Variants in HACD2 observed in about 807,000 individuals in gnomAD.
The protein encoded by HACD2 is 3-hydroxyacyl-CoA dehydratase 2.
In HACD2, 15 loss-of-function variants were observed where a neutral mutation model predicts 31.0. That is an observed-to-expected ratio of 0.48 (90% CI 0.32 to 0.75). The LOEUF (loss-of-function observed/expected upper bound fraction) is 0.75, where lower values mean the gene tolerates loss of function less well. Ranked by LOEUF, HACD2 falls within the 30% of genes least tolerant of loss-of-function variation. The pLI is 0.03. For synonymous variants in HACD2, 115 were observed against 122.2 expected (o/e 0.94, Z 0.39); for missense variants, 283 against 313.0 (o/e 0.90, Z 0.72).
intron 3 of HACD2, among the ~76,000 whole-genome samples, chr3:123,564,642 T>C (rs1182161117): frequency 2.0e-5 from 3 of 152,134 alleles, no homozygotes; most frequent in Admixed American, 1.3e-4. Flanking sequence ...CAGGTATCGA[T>C]GGGCATGAGG....
chr3:123,563,910 C>T (rs1576231672), intron 3 of HACD2, among the ~76,000 whole-genome samples: 1 of 152,112 alleles, frequency 6.6e-6, no homozygotes, highest in East Asian at 1.9e-4. Context: ...ATTATTATTG[C>T]TATAAGCCTA....
intron 4 of HACD2, among the ~76,000 whole-genome samples, chr3:123,510,993 A>C (rs1200754775): frequency 1.3e-5 from 2 of 151,326 alleles, no homozygotes; most frequent in South Asian, 4.2e-4. Flanking sequence ...AATGAGTGTA[A>C]AGTGGTATCT....
intron 3 of HACD2, among the ~76,000 whole-genome samples, chr3:123,557,295 T>C (rs142163430): frequency 2.2e-4 from 33 of 152,168 alleles, no homozygotes; most frequent in South Asian, 6.2e-4. Flanking sequence ...AACAATTTCA[T>C]CCCAAAACCA....
chr3:123,572,010 T>A (rs2056860423), intron 2 of HACD2, among the ~76,000 whole-genome samples: 1 of 152,142 alleles, frequency 6.6e-6, no homozygotes, highest in African/African-American at 2.4e-5. Flanking sequence ...ACTGTCTACA[T>A]ATCGTAGGAC....
chr3:123,530,839 C>T lies in HACD2; in HGVS notation c.293-2365G>A, dbSNP rs554466987. On this transcript the variant is annotated intron_variant, in intron 3 of 6. Coordinates refer to ENST00000383657, the MANE Select transcript of HACD2 (RefSeq NM_198402.5). ...AATGCTGAGATTACAGGCGTGAGCC[C>T]CCATGCCCAGCTAAAGTAACTTTTT... Among the ~76,000 whole-genome samples the T allele has an allele frequency of 2.8e-4, 43 of 151,962 alleles. No individual in the cohort carries two copies. The South Asian group carries it at 4.0e-3, about 14-fold the overall frequency.
At chr3:123,540,371 T>C (rs1004066851) in intron 3 of HACD2, among the ~76,000 whole-genome samples, 1 of 152,226 alleles carries the variant, frequency 6.6e-6, no homozygotes, top group African/African-American at 2.4e-5. Flanking sequence ...GAAAGCTTTC[T>C]CGAACATTCA....
intron 3 of HACD2, among the ~76,000 whole-genome samples, chr3:123,529,587 C>T (rs1001183617): frequency 1.4e-4 from 21 of 152,004 alleles, no homozygotes; most frequent in African/African-American, 5.1e-4. Context: ...TATTAGCTCG[C>T]CATGGTAGCG....
At chr3:123,535,151 T>G (rs1396157967) in intron 3 of HACD2, among the ~76,000 whole-genome samples, 2 of 152,182 alleles carry the variant, frequency 1.3e-5, no homozygotes, top group African/African-American at 4.8e-5. Flanking sequence ...CAGAGCAACT[T>G]CCAGTCCTGC....
At chr3:123,571,092 C>T (rs546459161) in intron 2 of HACD2, among the ~76,000 whole-genome samples, 14 of 152,250 alleles carry the variant, frequency 9.2e-5, no homozygotes, top group Admixed American at 7.2e-4. Context: ...TTCACTACTG[C>T]GCTGAAATCC....
intron 2 of HACD2, among the ~76,000 whole-genome samples, chr3:123,572,329 G>A (rs2056863525): frequency 6.6e-6 from 1 of 152,096 alleles, no homozygotes; most frequent in African/African-American, 2.4e-5. Flanking sequence ...AACACAGTGA[G>A]ACCCCCAGCT....
chr3:123,495,424 T>C (rs893313841), intron 6 of HACD2, among the ~76,000 whole-genome samples: 5 of 151,966 alleles, frequency 3.3e-5, no homozygotes, highest in Non-Finnish European at 7.4e-5. Flanking sequence ...ACAGACAGAG[T>C]TGGGACCAGG....
At chr3:123,576,507 TG>T (rs1246474660) in intron 2 of HACD2, among the ~76,000 whole-genome samples, 3 of 151,540 alleles carry the variant, frequency 2.0e-5, no homozygotes, top group Non-Finnish European at 4.4e-5. Flanking sequence ...CATTCCTATT[TG>T]TGTTAGATAT....
intron 4 of HACD2, among the ~76,000 whole-genome samples, chr3:123,519,276 C>G (rs1193850071): frequency 1.3e-5 from 2 of 152,162 alleles, no homozygotes; most frequent in African/African-American, 2.4e-5. Flanking sequence ...GCACATCTTA[C>G]AAATTCCAGA....
At chr3:123,514,329 CAAT>C (rs1389353186) in intron 4 of HACD2, among the ~76,000 whole-genome samples, 5 of 151,938 alleles carry the variant, frequency 3.3e-5, no homozygotes, top group African/African-American at 1.2e-4. Flanking sequence ...AGTAAAATGC[CAAT>C]AATTGGGGAA....
At chr3:123,582,165 C>T in intron 2 of HACD2, 47 bp downstream of exon 2, 1 of 1,280,184 alleles carries the variant, frequency 7.8e-7, no homozygotes, top group Non-Finnish European at 1.1e-6. Context: ...GCATGTTTTT[C>T]TTCATACCAA....
chr3:123,546,001 G>T (rs1327143969), intron 3 of HACD2, among the ~76,000 whole-genome samples: 1 of 152,086 alleles, frequency 6.6e-6, no homozygotes, highest in East Asian at 1.9e-4. Flanking sequence ...ATGAACCACC[G>T]TGCCTGGCTC....
At chr3:123,531,151 G>C (rs1427060935) in intron 3 of HACD2, among the ~76,000 whole-genome samples, 1 of 152,006 alleles carries the variant, frequency 6.6e-6, no homozygotes, top group Non-Finnish European at 1.5e-5. Flanking sequence ...CAGGCGCTAA[G>C]AGTAACTTTA....
At chr3:123,523,215 A>G (rs2056238776) in intron 4 of HACD2, among the ~76,000 whole-genome samples, 1 of 152,192 alleles carries the variant, frequency 6.6e-6, no homozygotes, top group Non-Finnish European at 1.5e-5. Context: ...GCATTAGGAC[A>G]TTATGTATCT....
chr3:123,526,369 A>G (rs1312216854), intron 4 of HACD2, among the ~76,000 whole-genome samples: 1 of 152,260 alleles, frequency 6.6e-6, no homozygotes, highest in Non-Finnish European at 1.5e-5. Flanking sequence ...ATCCTAGGAC[A>G]GCAGAAACGC....
Sources: gnomAD v4.1 joint callset for allele counts (sites outside exome capture counted in the v4.1 genomes callset) on GRCh38, gnomAD v4.1.1 for gene constraint, MANE v1.5 for transcripts, NCBI Gene and HGNC (gene_info 2026-07-23, HGNC 2026-07-21) for gene names.